The following CAMTA1 variants were observed in gnomAD, a reference collection of about 807,000 sequenced individuals.
CAMTA1 encodes the protein calmodulin-binding transcription activator 1.
Under a neutral mutation model 170.9 loss-of-function variants are expected in CAMTA1, and 27 were observed. The ratio of observed to expected loss-of-function variants is 0.16; its 90% CI spans 0.12 to 0.22. CAMTA1 has a LOEUF of 0.22. CAMTA1 is among the 10% of genes least tolerant of loss of function. CAMTA1 has a pLI of 1.00. For missense variants in CAMTA1, 1,619 were observed against 2,217.2 expected (o/e 0.73, Z 5.42); for synonymous variants, 833 against 891.5 (o/e 0.93, Z 1.17).
intron 3 of CAMTA1, among the ~76,000 whole-genome samples, chr1:7,066,294 C>G (rs1318516008): frequency 6.6e-6 from 1 of 152,224 alleles, no homozygotes; most frequent in Non-Finnish European, 1.5e-5. Context: ...TTAGGGCCTT[C>G]CCACCCTCAG....
At chr1:7,131,448 TTATAG>T (rs1302917241) in intron 4 of CAMTA1, among the ~76,000 whole-genome samples, 2 of 152,144 alleles carry the variant, frequency 1.3e-5, no homozygotes, top group African/African-American at 4.8e-5. Flanking sequence ...TAGTTACCTC[TTATAG>T]TCAGGTCTAT....
At chr1:6,873,332 G>A (rs1428050952) in intron 3 of CAMTA1, among the ~76,000 whole-genome samples, 1 of 151,658 alleles carries the variant, frequency 6.6e-6, no homozygotes, top group African/African-American at 2.4e-5. Context: ...TTTGCCTTAA[G>A]TATGTCCTTT....
chr1:6,868,302 CT>C (rs540800023), intron 3 of CAMTA1, among the ~76,000 whole-genome samples: 3,694 of 129,212 alleles, frequency 0.029, 43 homozygotes, highest in African/African-American at 0.043. Context: ...GAGCGAGACT[CT>C]TTTTTTTTTT....
chr1:7,335,412 C>T (rs960355523), intron 5 of CAMTA1, among the ~76,000 whole-genome samples: 1 of 152,194 alleles, frequency 6.6e-6, no homozygotes. Flanking sequence ...TCAGCAGCCA[C>T]CTGTCAGTGC....
chr1:7,107,629 C>G (rs1643740683), intron 4 of CAMTA1, among the ~76,000 whole-genome samples: 1 of 152,176 alleles, frequency 6.6e-6, no homozygotes, highest in Non-Finnish European at 1.5e-5. Context: ...GGGGCGGGTG[C>G]TGCTGGGATG....
intron 4 of CAMTA1, among the ~76,000 whole-genome samples, chr1:7,155,533 A>G (rs1251785257): frequency 1.3e-5 from 2 of 150,680 alleles, no homozygotes; most frequent in Non-Finnish European, 3.0e-5. Context: ...TTTTTTTCCA[A>G]GAGATCCTCC....
intron 4 of CAMTA1, among the ~76,000 whole-genome samples, chr1:7,158,658 G>A (rs1037423724): frequency 6.6e-5 from 10 of 152,166 alleles, no homozygotes; most frequent in African/African-American, 1.9e-4. Context: ...GGATAGTTAC[G>A]AGATAGAGCA....
chr1:6,967,629 C>T lies in CAMTA1; in HGVS notation c.235-123675C>T, dbSNP rs144294112. Among the ~76,000 whole-genome samples, 1,162 of 152,274 alleles carry T rather than the reference C, an allele frequency of 7.6e-3. 14 individuals carry two copies. Among genetic ancestry groups the T allele is most frequent in the African/African-American group, 0.026 (1,095 of 41,542 alleles). ...TGGCCACGTGTTCCTGCCTCACATC[C>T]GCTCCTCTCCATGAGCTCTGGCTGT... On this transcript the variant is annotated intron_variant, in intron 3 of 22. Transcript: ENST00000303635.
chr1:7,148,213 C>T (rs1646349138), intron 4 of CAMTA1, among the ~76,000 whole-genome samples: 1 of 149,840 alleles, frequency 6.7e-6, no homozygotes, highest in African/African-American at 2.5e-5. Context: ...TAGACACACA[C>T]TCATACATCA....
chr1:6,850,647 G>C (rs1660022908), intron 3 of CAMTA1, among the ~76,000 whole-genome samples: 1 of 152,240 alleles, frequency 6.6e-6, no homozygotes. Context: ...GTGGGTGTAA[G>C]AGGTGGGGCG....
intron 7 of CAMTA1, among the ~76,000 whole-genome samples, chr1:7,645,382 C>T (rs1201121624): frequency 6.6e-6 from 1 of 152,246 alleles, no homozygotes; most frequent in Non-Finnish European, 1.5e-5. Flanking sequence ...TTCTTCCCTG[C>T]CCATTTCCTG....
intron 4 of CAMTA1, among the ~76,000 whole-genome samples, chr1:7,155,724 G>C (rs1464850755): frequency 6.6e-6 from 1 of 151,998 alleles, no homozygotes. Context: ...AGCCACTGCA[G>C]CCAGTGAGCC....
chr1:7,733,062 C>T (rs1011423634), intron 12 of CAMTA1, among the ~76,000 whole-genome samples: 2 of 151,926 alleles, frequency 1.3e-5, no homozygotes, highest in Non-Finnish European at 2.9e-5. Flanking sequence ...ATTAGCCAGG[C>T]GTGGTGGGAC....
intron 1 of CAMTA1, among the ~76,000 whole-genome samples, chr1:6,805,457 A>G (rs2148270388): frequency 6.6e-6 from 1 of 152,310 alleles, no homozygotes; most frequent in South Asian, 2.1e-4. Context: ...TTTCAAATGT[A>G]TGATTGACAT....
chr1:7,497,349 A>G (rs1031279985), intron 6 of CAMTA1, among the ~76,000 whole-genome samples: 1 of 152,130 alleles, frequency 6.6e-6, no homozygotes, highest in Non-Finnish European at 1.5e-5. Context: ...GCCCCATCCC[A>G]TCCTCCAAAC....
At chr1:7,171,743 A>G (rs1051661163) in intron 4 of CAMTA1, among the ~76,000 whole-genome samples, 7 of 152,162 alleles carry the variant, frequency 4.6e-5, no homozygotes, top group African/African-American at 1.7e-4. Flanking sequence ...GAAAGCCTGT[A>G]CCCACGGCTC....
rs181646192 is a variant in CAMTA1, at chr1:7,552,647, C to T, written c.510+84746C>T. On this transcript the variant is annotated intron_variant, in intron 6 of 22. Transcript: ENST00000303635. ...CTGCCCACGCATATCCAGGAGGTTG[C>T]TCATTAAACTGAAAGCAGGGGAGGA... 9.2e-5 allele frequency among the ~76,000 whole-genome samples: 14 copies of T among 152,360 alleles called. No individual in the cohort carries two copies. In the East Asian group the frequency reaches 1.7e-3, roughly 19 times the overall value.
chr1:7,261,727 G>C (rs1668201079), intron 5 of CAMTA1, among the ~76,000 whole-genome samples: 2 of 152,214 alleles, frequency 1.3e-5, no homozygotes. Flanking sequence ...ATCACCTCAG[G>C]ACAGAGGATG....
At chr1:6,991,192 C>T (rs887557500) in intron 3 of CAMTA1, among the ~76,000 whole-genome samples, 1 of 152,076 alleles carries the variant, frequency 6.6e-6, no homozygotes, top group Non-Finnish European at 1.5e-5. Flanking sequence ...AATAAAACTG[C>T]TGTGAATATT....
Sources: allele counts gnomAD v4.1 joint callset (sites outside exome capture counted in the v4.1 genomes callset), GRCh38; gene constraint gnomAD v4.1.1; transcripts MANE v1.5; gene names NCBI Gene and HGNC (gene_info 2026-07-23, HGNC 2026-07-21).